The following DST variants were observed in gnomAD, a reference collection of about 807,000 sequenced individuals.
DST encodes the protein dystonin.
A neutral mutation model predicts 875.2 loss-of-function variants in DST; 253 were observed. The ratio of observed to expected loss-of-function variants is 0.29; its 90% confidence interval spans 0.26 to 0.32. The LOEUF (loss-of-function observed/expected upper bound fraction) is 0.32. Ranked by LOEUF, DST falls within the 10% of genes least tolerant of loss-of-function variation. The pLI is 1.00. For synonymous variants in DST, 3,124 were observed against 3,197.1 expected, an observed-to-expected ratio of 0.98 and a Z score of 0.77; for missense variants, 8,287 against 9,111.6, an observed-to-expected ratio of 0.91 and a Z score of 3.68.
intron 4 of DST, among the ~76,000 whole-genome samples, chr6:56,742,647 A>G (rs781068559): frequency 2.0e-5 from 3 of 151,972 alleles, no homozygotes; most frequent in Non-Finnish European, 4.4e-5. Flanking sequence ...TTGTTTTGCA[A>G]TGAGGCGAAC....
intron 4 of DST, among the ~76,000 whole-genome samples, chr6:56,812,021 GA>G (rs2099760561): frequency 6.6e-6 from 1 of 150,482 alleles, no homozygotes; most frequent in Non-Finnish European, 1.5e-5. Flanking sequence ...AGAACTGCTT[GA>G]ACCCAGAAGG....
chr6:56,899,354 C>A lies in DST; in HGVS notation c.417+1067G>T, dbSNP rs190716655. Among the ~76,000 whole-genome samples, 5 of 152,076 alleles carry A rather than the reference C, an allele frequency of 3.3e-5. No individual in the cohort carries two copies. In the East Asian group the frequency reaches 9.7e-4, roughly 29 times the overall value. On this transcript the variant is annotated intron_variant, in intron 3 of 103. Coordinates refer to ENST00000680361, the MANE Select transcript of DST (RefSeq NM_001374736.1). The stretch of plus-strand genomic sequence containing the variant: ...ATAAACCCTCATTTCTAAATATGTA[C>A]TTTTTTTTCAATTGGTTATGATAAA...
rs374333175 is a variant in DST, at chr6:56,492,311, A to G, written c.20673T>C (p.Ser6891=). The change falls in exon 85 of 104, where the codon AGT becomes AGC. Residue 6891 remains serine, a synonymous_variant. Coordinates refer to ENST00000680361, the MANE Select transcript of DST (RefSeq NM_001374736.1). ...CCACTTTTTCCCATCGACTTTGTAC[A>G]CTGATAAGTAGATTCTTGATTAGAA... ...DVVLIKNLLI[S]VQSRWEKVVQ... 1.2e-6 allele frequency: 2 copies of G among 1,613,748 alleles called. No individual in the cohort carries two copies. Among genetic ancestry groups the G allele is most frequent in the African/African-American group, 2.7e-5 (2 of 74,902 alleles).
At chr6:56,778,512 T>A (rs1304514874) in intron 4 of DST, among the ~76,000 whole-genome samples, 1 of 151,154 alleles carries the variant, frequency 6.6e-6, no homozygotes, top group East Asian at 1.9e-4. Flanking sequence ...TAGGTATATC[T>A]CCAAATGGTA....
chr6:56,851,756 C>T, intron 3 of DST, 152 bp from the exon 4 acceptor site: 1 of 1,551,704 alleles, frequency 6.4e-7, no homozygotes, highest in East Asian at 2.4e-5. Flanking sequence ...AGGGAATATG[C>T]AGAAACCAAA....
Position 56,909,541 on chromosome 6 carries a change from A to G in DST, c.217-8920T>C, listed in dbSNP as rs561418440. ...CACCTGTACCTTTAAATAAACAACA[A>G]ACAGATTTGTATTTTGTTTGAGCCA... On this transcript the variant is annotated intron_variant, in intron 2 of 103. Coordinates refer to ENST00000680361, the MANE Select transcript of DST (RefSeq NM_001374736.1). Among the ~76,000 whole-genome samples, 20 of 152,316 alleles carry G rather than the reference A, an allele frequency of 1.3e-4. No homozygotes were observed. In the South Asian group the frequency reaches 3.5e-3, roughly 27 times the overall value.
chr6:56,661,392 G>A (rs2099040337), intron 10 of DST, among the ~76,000 whole-genome samples: 1 of 152,152 alleles, frequency 6.6e-6, no homozygotes, highest in Non-Finnish European at 1.5e-5. Flanking sequence ...ACATGACAAA[G>A]GCAGGACTTG....
chr6:56,733,251 C>T (rs1303581509), intron 5 of DST, among the ~76,000 whole-genome samples: 2 of 152,056 alleles, frequency 1.3e-5, no homozygotes, highest in East Asian at 3.9e-4. Context: ...AGGCAACACA[C>T]CTATCAATCT....
At chr6:56,626,779 G>GC (rs1421649009) in intron 34 of DST, among the ~76,000 whole-genome samples, 3 of 152,040 alleles carry the variant, frequency 2.0e-5, no homozygotes, top group Non-Finnish European at 4.4e-5. Flanking sequence ...GCCCTATGCA[G>GC]CCCCCCTTTC....
At chr6:56,882,354 T>G (rs1334955494) in intron 3 of DST, among the ~76,000 whole-genome samples, 1 of 152,254 alleles carries the variant, frequency 6.6e-6, no homozygotes, top group African/African-American at 2.4e-5. Flanking sequence ...TGGGTTATTT[T>G]TATTGTGTTT....
At chr6:56,940,044 T>G (rs1052787491) in intron 2 of DST, among the ~76,000 whole-genome samples, 1 of 151,722 alleles carries the variant, frequency 6.6e-6, no homozygotes, top group African/African-American at 2.4e-5. Flanking sequence ...AAATTTTATA[T>G]AAATAAGTCT....
rs765641240 is a variant in DST, at chr6:56,555,369, A to G, written c.15112T>C (p.Phe5038Leu). 6.3e-7 allele frequency: 1 copy of G among 1,596,118 alleles called. No homozygotes were observed. Among genetic ancestry groups the G allele is most frequent in the South Asian group, 1.1e-5 (1 of 87,686 alleles). Residue 5038 changes from phenylalanine (F) to leucine (L), a missense_variant, in exon 60 of 104, where the codon TTT (phenylalanine) becomes CTT (leucine). By Grantham distance (22) the Phe-to-Leu change is conservative (BLOSUM62 0). Transcript: ENST00000680361. ...CCTGCTTTCTGTTCAACATCCTTAA[A>G]TGATTTTAAGATGCCTTCTAGTTGC... ...SRQLEGILKS[F>L]KDVEQKAENH... is the part of the protein sequence containing the mutation.
chr6:56,759,747 CAA>C (rs2099612985), intron 4 of DST, among the ~76,000 whole-genome samples: 1 of 152,084 alleles, frequency 6.6e-6, no homozygotes, highest in Non-Finnish European at 1.5e-5. Context: ...AGCCTGAAAA[CAA>C]AGAGTTCCAG....
At chr6:56,497,586 G>T in intron 81 of DST, 79 bp from the exon 82 acceptor site, 1 of 1,511,800 alleles carries the variant, frequency 6.6e-7, no homozygotes, top group Non-Finnish European at 8.9e-7. Context: ...AACAATCCCA[G>T]CCTGCTAAGC....
intron 45 of DST, among the ~76,000 whole-genome samples, chr6:56,599,477 A>C (rs1385627112): frequency 6.6e-6 from 1 of 152,106 alleles, no homozygotes; most frequent in Non-Finnish European, 1.5e-5. Context: ...CTTTTATAAT[A>C]ATGTAACAAA....
intron 4 of DST, among the ~76,000 whole-genome samples, chr6:56,829,497 G>T (rs2099784579): frequency 6.6e-6 from 1 of 152,120 alleles, no homozygotes; most frequent in Non-Finnish European, 1.5e-5. Flanking sequence ...ATAAATGATT[G>T]CAAACTATAT....
intron 55 of DST, among the ~76,000 whole-genome samples, chr6:56,567,619 T>C (rs953554427): frequency 1.3e-5 from 2 of 151,872 alleles, no homozygotes; most frequent in Non-Finnish European, 2.9e-5. Context: ...GGAGAAATCA[T>C]CACACCATTA....
chr6:56,553,122 A>C lies in DST; in HGVS notation c.15670T>G (p.Leu5224Val), dbSNP rs2097348097. Residue 5224 changes from leucine to valine, a missense_variant, in exon 61 of 104, where the codon TTA (leucine) becomes GTA (valine). This residue lies in a region of DST where 1,513 missense variants were observed against 1,677.8 expected (regional missense o/e 0.90). Transcript: ENST00000680361. ...AAGCTATTGGCTGTGTTGTTCAGTA[A>C]TTCTACCATACCAAAGTGTTGGTCC... ...EMDQHFGMVELLNNTANSLLS... is the reference protein window; with the variant it reads ...EMDQHFGMVEVLNNTANSLLS... 6.2e-7 allele frequency: 1 copy of C among 1,613,986 alleles called. No individual in the cohort carries two copies. The highest frequency in any genetic ancestry group is 8.5e-7 in the Non-Finnish European group (1 of 1,179,886).
intron 44 of DST, among the ~76,000 whole-genome samples, 165 bp downstream of exon 44, chr6:56,601,278 A>G (rs1242259363): frequency 1.3e-5 from 2 of 152,112 alleles, no homozygotes; most frequent in Non-Finnish European, 2.9e-5. Context: ...TAGCATCATT[A>G]GTGAAAACAA....
Sources: allele counts gnomAD v4.1 joint callset (sites outside exome capture counted in the v4.1 genomes callset), GRCh38; gene constraint gnomAD v4.1.1; regional missense constraint gnomAD v4.1.1; transcripts MANE v1.5; gene names NCBI Gene and HGNC (gene_info 2026-07-23, HGNC 2026-07-21).